The following AMPH variants were observed in gnomAD, a reference collection of about 807,000 sequenced individuals.
AMPH encodes the protein amphiphysin (Stiff-Mann syndrome with breast cancer 128kD autoantigen).
A neutral mutation model predicts 99.1 loss-of-function variants in AMPH; 49 were observed. The observed-to-expected ratio is 0.49, with a 90% CI of 0.39 to 0.63. AMPH has a LOEUF of 0.63. Among genes scored for constraint, AMPH ranks in the 20% least tolerant of loss-of-function variants. The pLI, the probability that AMPH is intolerant of heterozygous loss-of-function variation, is 0.00. For missense variants in AMPH, 759 were observed against 863.4 expected (o/e 0.88, Z 1.52); for synonymous variants, 314 against 317.3 (o/e 0.99, Z 0.11).
chr7:38,610,733 A>C (rs1793655526), intron 1 of AMPH, among the ~76,000 whole-genome samples: 1 of 152,212 alleles, frequency 6.6e-6, no homozygotes, highest in African/African-American at 2.4e-5. Flanking sequence ...ACATGTGTCT[A>C]TCCATCTTGA....
chr7:38,460,998 A>C (rs926051295), intron 11 of AMPH, among the ~76,000 whole-genome samples: 7 of 152,210 alleles, frequency 4.6e-5, no homozygotes, highest in Non-Finnish European at 1.0e-4. Flanking sequence ...GTATCAATAA[A>C]ACAATTTTTA....
intron 2 of AMPH, among the ~76,000 whole-genome samples, chr7:38,504,010 G>C (rs1789240684): frequency 6.6e-6 from 1 of 152,128 alleles, no homozygotes; most frequent in Non-Finnish European, 1.5e-5. Context: ...ATAATAGCAG[G>C]GAAGTGATCA....
At chr7:38,536,064 G>T (rs1475673786) in intron 1 of AMPH, among the ~76,000 whole-genome samples, 1 of 151,850 alleles carries the variant, frequency 6.6e-6, no homozygotes, top group African/African-American at 2.4e-5. Context: ...GCTAAACACG[G>T]GTCACCCAGA....
At chr7:38,514,717 C>G (rs1240496810) in intron 2 of AMPH, among the ~76,000 whole-genome samples, 2 of 152,224 alleles carry the variant, frequency 1.3e-5, no homozygotes, top group African/African-American at 2.4e-5. Flanking sequence ...CTGCCAATGT[C>G]TGAGCAGATG....
intron 1 of AMPH, among the ~76,000 whole-genome samples, chr7:38,574,169 C>T (rs377300044): frequency 3.3e-5 from 5 of 152,192 alleles, no homozygotes; most frequent in Non-Finnish European, 7.3e-5. Flanking sequence ...TTTCCCACAA[C>T]GAGTGATGCC....
intron 20 of AMPH, among the ~76,000 whole-genome samples, chr7:38,386,699 A>G (rs1784358186): frequency 6.6e-6 from 1 of 152,082 alleles, no homozygotes; most frequent in African/African-American, 2.4e-5. Context: ...TAAACAAACA[A>G]CTCTTGGTTA....
At chr7:38,557,761 T>TA (rs569147708) in intron 1 of AMPH, among the ~76,000 whole-genome samples, 4 of 151,844 alleles carry the variant, frequency 2.6e-5, no homozygotes, top group South Asian at 4.2e-4. Context: ...GAGAGACAGT[T>TA]AAAAAAAATT....
At chr7:38,432,629 T>C (rs1396291729) in intron 12 of AMPH, among the ~76,000 whole-genome samples, 2 of 141,642 alleles carry the variant, frequency 1.4e-5, no homozygotes, top group East Asian at 2.0e-4. Context: ...CACACCTCAT[T>C]AAAATGAAGT....
chr7:38,401,244 G>A (rs1441198599), intron 17 of AMPH, among the ~76,000 whole-genome samples: 2 of 152,128 alleles, frequency 1.3e-5, no homozygotes, highest in Non-Finnish European at 2.9e-5. Flanking sequence ...ACTAAACACT[G>A]CTCTATTTCT....
chr7:38,577,221 A>G (rs1429517561), intron 1 of AMPH, among the ~76,000 whole-genome samples: 1 of 152,208 alleles, frequency 6.6e-6, no homozygotes, highest in African/African-American at 2.4e-5. Context: ...TAACAAGAGA[A>G]GCATGTGGAC....
intron 2 of AMPH, among the ~76,000 whole-genome samples, chr7:38,511,180 C>T (rs1166045654): frequency 6.6e-6 from 1 of 152,088 alleles, no homozygotes; most frequent in Non-Finnish European, 1.5e-5. Flanking sequence ...TCAGGAAATG[C>T]TGGATAACAC....
chr7:38,533,779 C>G (rs1790497656), intron 2 of AMPH, among the ~76,000 whole-genome samples: 1 of 152,040 alleles, frequency 6.6e-6, no homozygotes, highest in Non-Finnish European at 1.5e-5. Flanking sequence ...ATGCGCAAAC[C>G]CCATTTCCCA....
intron 1 of AMPH, among the ~76,000 whole-genome samples, chr7:38,559,510 C>A (rs777287854): frequency 6.6e-6 from 1 of 152,178 alleles, no homozygotes; most frequent in Non-Finnish European, 1.5e-5. Flanking sequence ...CCAGCTGGAT[C>A]CCTGAGTCAG....
intron 11 of AMPH, among the ~76,000 whole-genome samples, chr7:38,445,010 T>TATATATATATACACACACAC (rs1458295332): frequency 7.9e-6 from 1 of 125,982 alleles, no homozygotes; most frequent in African/African-American, 2.9e-5. Flanking sequence ...TATATATATA[T>TATATATATATACACACACAC]ACACACACAC....
intron 1 of AMPH, among the ~76,000 whole-genome samples, chr7:38,612,946 T>C (rs74547680): frequency 5.8e-4 from 89 of 152,250 alleles, no homozygotes; most frequent in African/African-American, 1.6e-3. Context: ...GAGAAAGACA[T>C]TGAAATCCAA....
chr7:38,389,048 T>G (rs947545929), intron 20 of AMPH, among the ~76,000 whole-genome samples: 2 of 152,214 alleles, frequency 1.3e-5, no homozygotes, highest in African/African-American at 2.4e-5. Flanking sequence ...AAGAACAAAA[T>G]GTTGAACATA....
chr7:38,517,615 A>C (rs2099609), intron 2 of AMPH, among the ~76,000 whole-genome samples: 148,752 of 152,332 alleles, frequency 0.98, 72,648 homozygotes, highest in East Asian at 1. Context: ...GCACAAGGAT[A>C]TCTGGTGGAA....
intron 3 of AMPH, among the ~76,000 whole-genome samples, chr7:38,498,844 A>G (rs1789026505): frequency 1.3e-5 from 2 of 152,232 alleles, no homozygotes; most frequent in Non-Finnish European, 2.9e-5. Flanking sequence ...ACTTCTTTAT[A>G]TAAATGCTGC....
chr7:38,446,509 A>G (rs1054664913), intron 11 of AMPH, among the ~76,000 whole-genome samples: 5 of 152,228 alleles, frequency 3.3e-5, no homozygotes, highest in African/African-American at 1.2e-4. Context: ...TTCGTAATCC[A>G]AAAACTATGC....
Sources: allele counts gnomAD v4.1 joint callset (sites outside exome capture counted in the v4.1 genomes callset), GRCh38; gene constraint gnomAD v4.1.1; transcripts MANE v1.5; gene names NCBI Gene and HGNC (gene_info 2026-07-23, HGNC 2026-07-21).